Variants in EZR observed in about 807,000 individuals in gnomAD.
The protein encoded by EZR is cytovillin 2.
EZR carries 40 observed loss-of-function variants against 74.8 expected under a neutral mutation model. The observed-to-expected ratio is 0.53, with a 90% CI of 0.42 to 0.70. EZR has a LOEUF of 0.70. EZR is among the 30% of genes least tolerant of loss of function. The pLI is 0.00. For missense variants in EZR, 678 were observed against 755.8 expected (o/e 0.90, Z 1.21); for synonymous variants, 341 against 283.3 (o/e 1.20, Z -2.05).
At chr6:158,777,795 C>CA (rs1331050792) in intron 7 of EZR, among the ~76,000 whole-genome samples, 2 of 152,170 alleles carry the variant, frequency 1.3e-5, no homozygotes, top group Non-Finnish European at 2.9e-5. Flanking sequence ...CGCAGTCAGT[C>CA]ATGGTGTGCC....
intron 2 of EZR, among the ~76,000 whole-genome samples, chr6:158,807,007 A>C (rs979961452): frequency 7.2e-5 from 11 of 152,218 alleles, no homozygotes; most frequent in African/African-American, 2.4e-4. Flanking sequence ...CCTGTGGTTC[A>C]ATTTTCTCTT....
At chr6:158,786,594 T>A (rs916167753) in intron 4 of EZR, among the ~76,000 whole-genome samples, 2 of 151,552 alleles carry the variant, frequency 1.3e-5, no homozygotes, top group African/African-American at 4.9e-5. Flanking sequence ...GCTCCTCCAC[T>A]CTTCCCCACC....
chr6:158,777,186 G>A (rs1308191943), intron 7 of EZR, among the ~76,000 whole-genome samples: 5 of 152,190 alleles, frequency 3.3e-5, no homozygotes, highest in Non-Finnish European at 4.4e-5. Flanking sequence ...ATCCCATCAC[G>A]TTCCTAGACG....
In EZR at chr6:158,769,820, T is replaced by C. The variant is rs140494633; in HGVS notation, c.1215A>G (p.Arg405=). Residue 405 remains arginine (R), a synonymous_variant, in exon 11 of 14, where the codon AGA becomes AGG. Coordinates refer to ENST00000367075, the MANE Select transcript of EZR (RefSeq NM_001111077.2). The stretch of plus-strand genomic sequence containing the variant: ...GGCTCTTTATCTGATCCACCGCCTG[T>C]CTCTCCAGCTCCTCCTTAGCCCGCA... ...AALRAKEELE[R]QAVDQIKSQE... is the part of the protein sequence containing the mutation. The C allele has an allele frequency of 6.9e-5, 111 of 1,614,052 alleles. No homozygotes were observed. The highest frequency in any genetic ancestry group is 3.3e-4 in the Middle Eastern group (2 of 6,062).
intron 2 of EZR, among the ~76,000 whole-genome samples, chr6:158,793,479 AAAATCT>A (rs1165344959): frequency 6.6e-6 from 1 of 152,156 alleles, no homozygotes; most frequent in Non-Finnish European, 1.5e-5. Flanking sequence ...GAAGATACTC[AAAATCT>A]AAACAGGTAA....
chr6:158,781,392 C>T (rs1475553439), intron 7 of EZR, among the ~76,000 whole-genome samples: 1 of 152,120 alleles, frequency 6.6e-6, no homozygotes, highest in Non-Finnish European at 1.5e-5. Context: ...AGAGTTGCCA[C>T]GTTCATCGCT....
chr6:158,767,228 G>C, intron 13 of EZR, 33 bp downstream of exon 13: 1 of 1,595,414 alleles, frequency 6.3e-7, no homozygotes, highest in East Asian at 2.2e-5. Flanking sequence ...AAGCGAGGCA[G>C]GCTCCCTGGA....
intron 2 of EZR, 73 bp downstream of exon 2, chr6:158,818,009 C>T: frequency 6.7e-7 from 1 of 1,502,714 alleles, no homozygotes; most frequent in Non-Finnish European, 9.1e-7. Context: ...ACTGCCCCAA[C>T]ACCTCGAGCA....
At chr6:158,804,369 C>CTCA (rs1338622506) in intron 2 of EZR, among the ~76,000 whole-genome samples, 3 of 152,174 alleles carry the variant, frequency 2.0e-5, no homozygotes, top group African/African-American at 7.2e-5. Flanking sequence ...ATCTCCTTAC[C>CTCA]TCAGGGCAGG....
At position 158,805,195 on chromosome 6, in the gene EZR, C is replaced by T. The variant is rs1286371697; in HGVS notation, c.12+12887G>A. Among the ~76,000 whole-genome samples the T allele has an allele frequency of 2.0e-5, 3 of 151,860 alleles. No individual in the cohort carries two copies. The South Asian group carries it at 6.2e-4, about 32-fold the overall frequency. ...CTCTACTAAAAATACAAAAATTAGC[C>T]GGGCATGGTGGCGTGTGCCTGCAAT... On this transcript the variant is annotated intron_variant, in intron 2 of 13. Coordinates refer to ENST00000367075, the MANE Select transcript of EZR (RefSeq NM_001111077.2).
intron 7 of EZR, among the ~76,000 whole-genome samples, chr6:158,779,594 T>C (rs1791373105): frequency 6.6e-6 from 1 of 152,138 alleles, no homozygotes; most frequent in Non-Finnish European, 1.5e-5. Context: ...GATGGGGTCT[T>C]ACTCTGTCAC....
intron 2 of EZR, among the ~76,000 whole-genome samples, chr6:158,803,663 A>AG (rs2128574914): frequency 8.2e-6 from 1 of 122,454 alleles, no homozygotes; most frequent in East Asian, 2.3e-4. Context: ...ACATATATAT[A>AG]TATAAAATAT....
intron 2 of EZR, among the ~76,000 whole-genome samples, chr6:158,809,822 G>A (rs1206005563): frequency 6.6e-6 from 1 of 152,160 alleles, no homozygotes; most frequent in South Asian, 2.1e-4. Context: ...CTTACTTGGA[G>A]TCCGTTGCAT....
intron 8 of EZR, among the ~76,000 whole-genome samples, chr6:158,771,995 G>C (rs1225488442): frequency 1.3e-5 from 2 of 152,154 alleles, no homozygotes; most frequent in Non-Finnish European, 2.9e-5. Context: ...GGGAGCTCCA[G>C]GATGAGCTCC....
chr6:158,768,749 G>A (rs936593244), intron 12 of EZR, among the ~76,000 whole-genome samples: 18 of 152,196 alleles, frequency 1.2e-4, no homozygotes, highest in Admixed American at 1.3e-4. Flanking sequence ...CCTCGCATCT[G>A]CAGAGCAACC....
At chr6:158,790,029 C>T (rs533555663) in intron 2 of EZR, among the ~76,000 whole-genome samples, 1 of 151,942 alleles carries the variant, frequency 6.6e-6, no homozygotes, top group Non-Finnish European at 1.5e-5. Context: ...TCCCAAGGCA[C>T]CAAGGAAGTC....
chr6:158,787,936 C>T (rs1218538546), intron 3 of EZR, among the ~76,000 whole-genome samples: 5 of 152,178 alleles, frequency 3.3e-5, no homozygotes, highest in African/African-American at 9.7e-5. Flanking sequence ...CTTAGTCTCA[C>T]GACTGTCTTG....
At chr6:158,797,629 T>C (rs1221464449) in intron 2 of EZR, among the ~76,000 whole-genome samples, 1 of 152,232 alleles carries the variant, frequency 6.6e-6, no homozygotes, top group Non-Finnish European at 1.5e-5. Context: ...TTCAAATACT[T>C]AGAAATGCTC....
intron 7 of EZR, among the ~76,000 whole-genome samples, chr6:158,779,477 A>G (rs949260214): frequency 1.3e-5 from 2 of 152,338 alleles, no homozygotes; most frequent in African/African-American, 4.8e-5. Context: ...CTACGGTTAC[A>G]TAAGGTGTTA....
Sources: gnomAD v4.1 joint callset for allele counts (sites outside exome capture counted in the v4.1 genomes callset) on GRCh38, gnomAD v4.1.1 for gene constraint, MANE v1.5 for transcripts, NCBI Gene and HGNC (gene_info 2026-07-23, HGNC 2026-07-21) for gene names.